The following PROS1 variants were observed in gnomAD, a reference collection of about 807,000 sequenced individuals.
PROS1 encodes protein S.
In PROS1, 29 loss-of-function variants were observed where a neutral mutation model predicts 75.9. The ratio of observed to expected loss-of-function variants is 0.38; its 90% CI spans 0.28 to 0.52. The LOEUF is 0.52. PROS1 is among the 20% of genes least tolerant of loss of function. PROS1 has a pLI of 0.83. For missense variants in PROS1, 680 were observed against 810.3 expected (o/e 0.84, Z 1.95); for synonymous variants, 245 against 280.6 (o/e 0.87, Z 1.27).
At chr3:93,904,373 G>T (rs1708643199) in intron 6 of PROS1, among the ~76,000 whole-genome samples, 1 of 152,064 alleles carries the variant, frequency 6.6e-6, no homozygotes, top group Non-Finnish European at 1.5e-5. Flanking sequence ...CTTCAAATAG[G>T]CAGATAAGAA....
intron 6 of PROS1, among the ~76,000 whole-genome samples, chr3:93,902,702 G>A (rs1437593592): frequency 3.3e-5 from 5 of 151,022 alleles, no homozygotes; most frequent in African/African-American, 7.3e-5. Flanking sequence ...GCAGTGAGCC[G>A]AGCTCACACT....
chr3:93,936,306 G>C (rs1223297923), intron 1 of PROS1, among the ~76,000 whole-genome samples: 1 of 152,150 alleles, frequency 6.6e-6, no homozygotes, highest in Non-Finnish European at 1.5e-5. Flanking sequence ...ACTGTTGTTT[G>C]CTATGCTCAC....
intron 4 of PROS1, 143 bp downstream of exon 4, chr3:93,910,476 A>T: frequency 1.4e-6 from 1 of 729,722 alleles, no homozygotes; most frequent in Admixed American, 2.2e-5. Context: ...TTAGAAATGC[A>T]GTTTGAAAAT....
At chr3:93,880,220 A>T (rs1357720419) in intron 12 of PROS1, among the ~76,000 whole-genome samples, 1 of 152,148 alleles carries the variant, frequency 6.6e-6, no homozygotes, top group Non-Finnish European at 1.5e-5. Flanking sequence ...ATCCAGAAGA[A>T]AAAAAATATA....
At chr3:93,936,108 G>T (rs377420624) in intron 1 of PROS1, among the ~76,000 whole-genome samples, 1 of 136,604 alleles carries the variant, frequency 7.3e-6, no homozygotes, top group Admixed American at 7.4e-5. Flanking sequence ...CCCCTTCCCC[G>T]CTCCAAATTC....
chr3:93,920,383 AGGGTTTTTATGTGT>A (rs1708929346), intron 3 of PROS1, among the ~76,000 whole-genome samples: 1 of 152,104 alleles, frequency 6.6e-6, no homozygotes, highest in Non-Finnish European at 1.5e-5. Context: ...TTTTCTCCAT[AGGGTTTTTATGTGT>A]TCTTAAGATA....
intron 1 of PROS1, among the ~76,000 whole-genome samples, chr3:93,960,929 A>C (rs1306345734): frequency 1.3e-5 from 2 of 152,020 alleles, no homozygotes. Context: ...AATAAAACAA[A>C]AGGGCAAAAG....
chr3:93,954,473 G>C (rs1196119547), intron 1 of PROS1, among the ~76,000 whole-genome samples: 3 of 152,026 alleles, frequency 2.0e-5, no homozygotes, highest in Non-Finnish European at 2.9e-5. Context: ...CAAGAAATGG[G>C]GAAAGGATTC....
chr3:93,884,937 T>C, intron 11 of PROS1, 41 bp from the exon 12 acceptor site: 1 of 1,554,206 alleles, frequency 6.4e-7, no homozygotes, highest in Non-Finnish European at 8.8e-7. Flanking sequence ...CATTTTAAAC[T>C]TAAACAGTGG....
At chr3:93,958,103 A>T (rs1709638189) in intron 1 of PROS1, among the ~76,000 whole-genome samples, 1 of 151,934 alleles carries the variant, frequency 6.6e-6, no homozygotes, top group South Asian at 2.1e-4. Context: ...AATAATAATA[A>T]TAAAATAAAA....
intron 1 of PROS1, among the ~76,000 whole-genome samples, chr3:93,966,134 C>G (rs925392368): frequency 2.6e-5 from 4 of 152,164 alleles, no homozygotes; most frequent in African/African-American, 9.7e-5. Context: ...AACTAACAAA[C>G]TAACCTCTCT....
intron 3 of PROS1, among the ~76,000 whole-genome samples, chr3:93,921,507 G>A (rs1708943260): frequency 6.6e-6 from 1 of 152,012 alleles, no homozygotes; most frequent in African/African-American, 2.4e-5. Context: ...TCTGGATCTG[G>A]GTTTCGGGAG....
At chr3:93,937,603 G>A (rs1233628463) in intron 1 of PROS1, among the ~76,000 whole-genome samples, 7 of 152,082 alleles carry the variant, frequency 4.6e-5, no homozygotes, top group African/African-American at 7.2e-5. Context: ...TCCTGACCTC[G>A]TGATCCGCCC....
chr3:93,917,046 C>A (rs1000833965), intron 3 of PROS1, among the ~76,000 whole-genome samples: 2 of 152,154 alleles, frequency 1.3e-5, no homozygotes, highest in Admixed American at 1.3e-4. Flanking sequence ...TCACAGAAGA[C>A]GCATCACATA....
rs561048164 is a variant in PROS1 at position 93,915,025 on chromosome 3, C to G, written c.260-4320G>C. ...TGGGAAATGGTAACTTGGGACACAC[C>G]CTTGGTTTGCTCTCCTAAAGACCTT... On this transcript the variant is annotated intron_variant, in intron 3 of 14. Coordinates refer to ENST00000394236, the MANE Select transcript of PROS1 (RefSeq NM_000313.4). 2.0e-4 allele frequency among the ~76,000 whole-genome samples: 31 copies of G among 152,108 alleles called. 1 individual carries two copies. Among genetic ancestry groups the G allele is most frequent in the Non-Finnish European group, 3.7e-4 (25 of 68,018 alleles).
intron 1 of PROS1, 128 bp from the exon 2 acceptor site, chr3:93,927,535 G>A (rs908346429): frequency 1.8e-5 from 20 of 1,138,672 alleles, no homozygotes; most frequent in Admixed American, 1.6e-4. Context: ...CAGTATGATC[G>A]AACTAAGAAA....
chr3:93,963,522 A>G (rs1019841447), intron 1 of PROS1, among the ~76,000 whole-genome samples: 3 of 152,180 alleles, frequency 2.0e-5, no homozygotes, highest in African/African-American at 7.2e-5. Context: ...CTACAAAGGA[A>G]TACTTGAGGG....
intron 1 of PROS1, among the ~76,000 whole-genome samples, chr3:93,931,299 T>C (rs1709101961): frequency 6.6e-6 from 1 of 152,248 alleles, no homozygotes; most frequent in Non-Finnish European, 1.5e-5. Context: ...GTCCATGATG[T>C]ACCTGATTTA....
intron 1 of PROS1, among the ~76,000 whole-genome samples, chr3:93,964,063 C>G (rs1709748516): frequency 6.6e-6 from 1 of 152,186 alleles, no homozygotes; most frequent in African/African-American, 2.4e-5. Context: ...ACTTTAATCT[C>G]TTAATCCTGT....
Sources: allele counts gnomAD v4.1 joint callset (sites outside exome capture counted in the v4.1 genomes callset), GRCh38; gene constraint gnomAD v4.1.1; transcripts MANE v1.5; gene names NCBI Gene and HGNC (gene_info 2026-07-23, HGNC 2026-07-21).